The following OLAH variants were observed in gnomAD, a reference collection of about 807,000 sequenced individuals.
OLAH encodes the protein oleoyl-ACP hydrolase.
Under a neutral mutation model 27.8 loss-of-function variants are expected in OLAH, and 33 were observed. The ratio of observed to expected loss-of-function variants is 1.19; its 90% CI spans 0.90 to 1.59. OLAH has a LOEUF of 1.59. Among genes scored for constraint, OLAH ranks in the 40% most tolerant of loss-of-function variants. The probability of loss-of-function intolerance (pLI) is 0.00; values close to 1 mark genes in which losing one functional copy is unlikely to be tolerated. For synonymous variants in OLAH, 120 were observed against 102.9 expected, an observed-to-expected ratio of 1.17 and a Z score of -1.01; for missense variants, 359 against 310.8, an observed-to-expected ratio of 1.16 and a Z score of -1.17.
intron 1 of OLAH, 143 bp from the exon 2 acceptor site, chr10:15,046,983 G>A (rs959735402): frequency 1.1e-5 from 3 of 271,218 alleles, no homozygotes; most frequent in Admixed American, 9.7e-5. Context: ...GGGGTGGGAT[G>A]GGGGTGGTGA....
upstream of OLAH, among the ~76,000 whole-genome samples, chr10:15,041,508 C>T (rs1359365346): frequency 6.6e-6 from 1 of 151,806 alleles, no homozygotes; most frequent in East Asian, 1.9e-4. Flanking sequence ...AAACTCCTGA[C>T]CTCAGGTGAT....
chr10:15,063,628 T>A (rs1844410359), intron 4 of OLAH, among the ~76,000 whole-genome samples: 1 of 152,218 alleles, frequency 6.6e-6, no homozygotes, highest in Non-Finnish European at 1.5e-5. Context: ...TTTATACTTT[T>A]AAGATGCATT....
At chr10:15,047,671 C>T (rs1478946020) in intron 2 of OLAH, among the ~76,000 whole-genome samples, 1 of 152,132 alleles carries the variant, frequency 6.6e-6, no homozygotes, top group African/African-American at 2.4e-5. Context: ...CGCCACTGCA[C>T]TCCAGCCTGG....
chr10:15,063,926 T>C (rs780929991), intron 4 of OLAH, among the ~76,000 whole-genome samples: 1 of 152,230 alleles, frequency 6.6e-6, no homozygotes, highest in Non-Finnish European at 1.5e-5. Context: ...TGCATTCAAA[T>C]TGTTGCTGTA....
At chr10:15,041,645 G>A (rs946665219), upstream of OLAH, among the ~76,000 whole-genome samples, 2 of 151,644 alleles carry the variant, frequency 1.3e-5, no homozygotes, top group Non-Finnish European at 2.9e-5. Flanking sequence ...GCTTGATCTC[G>A]GCTCACTGCA....
At chr10:15,041,289 T>TTA (rs1223620523), upstream of OLAH, among the ~76,000 whole-genome samples, 124 of 152,096 alleles carry the variant, frequency 8.2e-4, no homozygotes, top group South Asian at 1.5e-3. Flanking sequence ...TATTTTTATT[T>TTA]TTTTTGAGAC....
At chr10:15,034,280 C>T (rs1270931343) in intron 1 of OLAH, among the ~76,000 whole-genome samples, 1 of 151,800 alleles carries the variant, frequency 6.6e-6, no homozygotes, top group Non-Finnish European at 1.5e-5. Context: ...TTACAGGCTC[C>T]CACCACCATG....
chr10:15,069,360 C>T (rs562067769), intron 6 of OLAH, among the ~76,000 whole-genome samples: 5 of 152,314 alleles, frequency 3.3e-5, no homozygotes, highest in African/African-American at 1.2e-4. Context: ...GCAGCAGCCA[C>T]AGGGCTTCAC....
At chr10:15,056,099 CTCAGCT>C (rs950308766) in intron 3 of OLAH, among the ~76,000 whole-genome samples, 1 of 152,170 alleles carries the variant, frequency 6.6e-6, no homozygotes, top group African/African-American at 2.4e-5. Flanking sequence ...ATCCACCTGC[CTCAGCT>C]TCCCAAAGTG....
intron 7 of OLAH, 117 bp downstream of exon 7, chr10:15,071,994 C>T (rs372556579): frequency 3.7e-5 from 25 of 679,824 alleles, no homozygotes; most frequent in Middle Eastern, 4.3e-4. Flanking sequence ...AGTGCAATGG[C>T]GCAATCTCAG....
At chr10:15,046,510 C>T (rs1285599607) in intron 1 of OLAH, among the ~76,000 whole-genome samples, 3 of 151,758 alleles carry the variant, frequency 2.0e-5, no homozygotes, top group Admixed American at 2.0e-4. Flanking sequence ...CTCTGTCACC[C>T]AGGCTGGAGT....
chr10:15,041,734 T>C (rs887992194), upstream of OLAH, among the ~76,000 whole-genome samples: 3 of 150,164 alleles, frequency 2.0e-5, no homozygotes, highest in Non-Finnish European at 4.4e-5. Context: ...CACCATGACA[T>C]CTGGCTGATT....
intron 6 of OLAH, among the ~76,000 whole-genome samples, chr10:15,066,580 T>C (rs1844471343): frequency 6.6e-6 from 1 of 151,644 alleles, no homozygotes; most frequent in South Asian, 2.1e-4. Flanking sequence ...TGTAAATCCT[T>C]CCCCAATAAT....
chr10:15,067,351 G>C (rs888260519), intron 6 of OLAH, among the ~76,000 whole-genome samples: 1 of 151,160 alleles, frequency 6.6e-6, no homozygotes, highest in African/African-American at 2.4e-5. Context: ...TTTCTTTAAC[G>C]GTCTGTGTCT....
chr10:15,041,429 C>G (rs1843918448), upstream of OLAH, among the ~76,000 whole-genome samples: 1 of 151,894 alleles, frequency 6.6e-6, no homozygotes. Context: ...CAGGCATGTG[C>G]CTCCACGCCT....
At chr10:15,051,008 C>G (rs933576453) in intron 3 of OLAH, among the ~76,000 whole-genome samples, 1 of 150,732 alleles carries the variant, frequency 6.6e-6, no homozygotes, top group Non-Finnish European at 1.5e-5. Flanking sequence ...ACAATATGCA[C>G]TTTTTTATTT....
chr10:15,061,945 A>G (rs1844374984), intron 4 of OLAH, 83 bp downstream of exon 4: 1 of 1,333,626 alleles, frequency 7.5e-7, no homozygotes, highest in East Asian at 2.3e-5. Flanking sequence ...TGTGTTTTGT[A>G]AGATGCATAC....
At chr10:15,065,468 G>T in intron 5 of OLAH, 116 bp from the exon 6 acceptor site, 2 of 1,046,670 alleles carry the variant, frequency 1.9e-6, no homozygotes, top group Non-Finnish European at 2.7e-6. Context: ...TATAGATAAA[G>T]CAGTCTACTT....
upstream of OLAH, among the ~76,000 whole-genome samples, chr10:15,042,512 T>A (rs563734788): frequency 6.6e-6 from 1 of 152,310 alleles, no homozygotes; most frequent in African/African-American, 2.4e-5. Flanking sequence ...GTATCCACCC[T>A]CTCAAACATT....
Sources: gnomAD v4.1 joint callset for allele counts (sites outside exome capture counted in the v4.1 genomes callset) on GRCh38, gnomAD v4.1.1 for gene constraint, MANE v1.5 for transcripts, NCBI Gene and HGNC (gene_info 2026-07-23, HGNC 2026-07-21) for gene names.